The following TATDN2 variants were observed in gnomAD, a reference collection of about 807,000 sequenced individuals.
TATDN2 encodes TatD DNase domain containing 2.
TATDN2 carries 44 observed loss-of-function variants against 60.3 expected under a neutral mutation model. The ratio of observed to expected loss-of-function variants is 0.73; its 90% CI spans 0.57 to 0.94. The LOEUF (loss-of-function observed/expected upper bound fraction) is 0.94. Ranked by LOEUF, TATDN2 falls within the 40% of genes least tolerant of loss-of-function variation. The pLI, the probability that TATDN2 is intolerant of heterozygous loss-of-function variation, is 0.00. For synonymous variants in TATDN2, 399 were observed against 355.8 expected, an observed-to-expected ratio of 1.12 and a Z score of -1.37; for missense variants, 997 against 948.0, an observed-to-expected ratio of 1.05 and a Z score of -0.68.
chr3:10,254,645 T>C (rs1215201809), intron 2 of TATDN2, among the ~76,000 whole-genome samples: 3 of 152,180 alleles, frequency 2.0e-5, no homozygotes, highest in African/African-American at 7.2e-5. Flanking sequence ...AGAGCTCCTC[T>C]GGCACGCTGC....
intron 3 of TATDN2, among the ~76,000 whole-genome samples, chr3:10,268,174 C>T (rs924508737): frequency 6.6e-6 from 1 of 152,160 alleles, no homozygotes; most frequent in Non-Finnish European, 1.5e-5. Context: ...AGAAAAGATT[C>T]TTGTTTGGAT....
In TATDN2 at chr3:10,249,213, C is replaced by A; in HGVS notation, c.13C>A (p.Arg5=). 1 of 1,511,744 alleles carries A rather than the reference C, an allele frequency of 6.6e-7. No homozygotes were observed. Among genetic ancestry groups the A allele is most frequent in the Non-Finnish European group, 8.9e-7 (1 of 1,128,800 alleles). 93.6% of individuals were successfully genotyped at this position (1,511,744 alleles called of 1,614,324 possible). Residue 5 remains arginine (R), a synonymous_variant, in exon 2 of 8, where the codon CGG becomes AGG. Coordinates refer to ENST00000448281, the MANE Select transcript of TATDN2 (RefSeq NM_014760.4). ...CTTGCAGGTGCCCATGGCGTCCGAG[C>A]GGGGCAAGGTCAAGCACAACTGGAG... The part of the protein sequence containing the change: MASE[R]GKVKHNWSST...
intron 4 of TATDN2, 42 bp from the exon 5 acceptor site, chr3:10,276,319 G>A (rs1698636650): frequency 6.2e-7 from 1 of 1,608,290 alleles, no homozygotes; most frequent in Non-Finnish European, 8.5e-7. Context: ...GACTTCTGAA[G>A]TGCTGCTAAC....
At chr3:10,276,294 G>A (rs1264207345) in intron 4 of TATDN2, 67 bp from the exon 5 acceptor site, 8 of 1,579,384 alleles carry the variant, frequency 5.1e-6, no homozygotes, top group South Asian at 2.3e-5. Flanking sequence ...TGGACTGGGC[G>A]TTCCAGAGGT....
At chr3:10,261,775 ATCTTT>A (rs1219109014) in intron 3 of TATDN2, among the ~76,000 whole-genome samples, 1 of 152,138 alleles carries the variant, frequency 6.6e-6, no homozygotes, top group Non-Finnish European at 1.5e-5. Flanking sequence ...TTTCTAAATA[ATCTTT>A]ACTGTTGATC....
At chr3:10,257,992 C>T (rs1290316278) in intron 2 of TATDN2, among the ~76,000 whole-genome samples, 1 of 150,200 alleles carries the variant, frequency 6.7e-6, no homozygotes, top group East Asian at 2.0e-4. Flanking sequence ...TCCCGAGTAG[C>T]TGGGACTACA....
At chr3:10,276,803 G>T (rs1179810030) in intron 5 of TATDN2, among the ~76,000 whole-genome samples, 1 of 152,182 alleles carries the variant, frequency 6.6e-6, no homozygotes, top group Non-Finnish European at 1.5e-5. Flanking sequence ...TGGCCAGGCT[G>T]GTCCCGAACT....
intron 2 of TATDN2, among the ~76,000 whole-genome samples, chr3:10,253,458 A>G (rs983455456): frequency 6.6e-6 from 1 of 152,232 alleles, no homozygotes; most frequent in Non-Finnish European, 1.5e-5. Flanking sequence ...GGCTGACCTC[A>G]CATCGTTCCC....
intron 2 of TATDN2, among the ~76,000 whole-genome samples, chr3:10,251,630 A>C (rs3846105): frequency 0.53 from 80,680 of 151,632 alleles, 23,522 homozygotes; most frequent in East Asian, 0.95. Context: ...AAGTGATCTG[A>C]CCGCCTCAGC....
In TATDN2 at chr3:10,278,777, A is replaced by C; in HGVS notation, c.2146-108A>C. The C allele has an allele frequency of 1.9e-6, 3 of 1,542,220 alleles. No individual in the cohort carries two copies. Among genetic ancestry groups the C allele is most frequent in the African/African-American group, 2.7e-5 (2 of 73,810 alleles). On this transcript the variant is annotated intron_variant, in intron 6 of 7. Coordinates refer to ENST00000448281, the MANE Select transcript of TATDN2 (RefSeq NM_014760.4). This position sits in a 1 kb window ranked among gnomAD's most constrained non-coding sequence, Gnocchi z 4.7. ...CACCTGCAGGTAAAGGGGTCTCTAC[A>C]GGGCAGCCCCAAAGAGGTCCTTGCT...
At chr3:10,261,130 G>A (rs1698395643) in intron 3 of TATDN2, among the ~76,000 whole-genome samples, 2 of 152,214 alleles carry the variant, frequency 1.3e-5, no homozygotes, top group Admixed American at 6.5e-5. Flanking sequence ...GAAGAGGAGA[G>A]TGCATTCCTT....
At chr3:10,258,290 T>C (rs1159417404) in intron 2 of TATDN2, among the ~76,000 whole-genome samples, 1 of 151,804 alleles carries the variant, frequency 6.6e-6, no homozygotes, top group Non-Finnish European at 1.5e-5. Flanking sequence ...GTTTGTTTGT[T>C]TGTTTGAGAC....
intron 4 of TATDN2, among the ~76,000 whole-genome samples, chr3:10,274,571 G>C (rs1698607625): frequency 6.6e-6 from 1 of 152,132 alleles, no homozygotes; most frequent in African/African-American, 2.4e-5. Flanking sequence ...TGTTGGAATT[G>C]GAATCTCTTG....
rs1698639531 is a variant in TATDN2, at chr3:10,276,489, G to A, written c.1961+1G>A. 1.2e-6 allele frequency: 2 copies of A among 1,613,328 alleles called. No homozygotes were observed. Among genetic ancestry groups the A allele is most frequent in the Non-Finnish European group, 1.7e-6 (2 of 1,179,714 alleles). ...TGCCCCCTGACTACAAGATCCATAG[G>A]TTAGAAGACTGGAACTTCAGCGGGC... On this transcript the variant is annotated splice_donor_variant, in intron 5 of 7. Coordinates refer to ENST00000448281, the MANE Select transcript of TATDN2 (RefSeq NM_014760.4). LOFTEE classifies it high-confidence loss of function.
At position 10,270,646 on chromosome 3, in the gene TATDN2, G is replaced by A. The variant is rs750221056; in HGVS notation, c.1464G>A (p.Glu488=). 6.2e-7 allele frequency: 1 copy of A among 1,614,240 alleles called. No individual in the cohort carries two copies. Among genetic ancestry groups the A allele is most frequent in the Non-Finnish European group, 8.5e-7 (1 of 1,180,042 alleles). The change falls in exon 4 of 8, where the codon GAG becomes GAA. Residue 488 remains glutamate, a synonymous_variant. Transcript: ENST00000448281. ...GCTCCCTGCCAAAGAGCCACCTGGA[G>A]CCAAGCCTAGAGGAGGGCTTCATTG... The part of the protein sequence containing the change: ...ASSSLPKSHL[E]PSLEEGFIDT...
chr3:10,269,664 G>T (rs1234893205), intron 3 of TATDN2, among the ~76,000 whole-genome samples: 1 of 152,054 alleles, frequency 6.6e-6, no homozygotes, highest in African/African-American at 2.4e-5. Context: ...TCTCACCACC[G>T]CATTCCAGCC....
chr3:10,248,554 G>C lies in TATDN2; in HGVS notation c.-520G>C, dbSNP rs995141807. On this transcript the variant is annotated 5_prime_UTR_variant, in exon 1 of 8. Coordinates refer to ENST00000448281, the MANE Select transcript of TATDN2 (RefSeq NM_014760.4). ...AGTTCGGGCGGAGGCCGGGCCAGGCGGGGCTGTAGGGCTGGGGCAGGCGGC... is the reference window on the plus strand; with the variant it reads ...AGTTCGGGCGGAGGCCGGGCCAGGCCGGGCTGTAGGGCTGGGGCAGGCGGC... 1 of 152,148 alleles carries C rather than the reference G, an allele frequency of 6.6e-6. No homozygotes were observed. The highest frequency in any genetic ancestry group is 2.4e-5 in the African/African-American group (1 of 41,528). 9.4% of individuals were successfully genotyped at this position (152,148 alleles called of 1,614,324 possible). A position where few individuals can be genotyped will look rare whatever the true frequency, so the allele number is the denominator to read the frequency against.
intron 5 of TATDN2, among the ~76,000 whole-genome samples, chr3:10,277,589 C>G (rs932306893): frequency 3.3e-5 from 5 of 152,138 alleles, no homozygotes; most frequent in African/African-American, 1.2e-4. Flanking sequence ...GCTGTCAGGG[C>G]CTTTGGGTAC....
chr3:10,255,028 C>T (rs1243920761), intron 2 of TATDN2, among the ~76,000 whole-genome samples: 1 of 142,352 alleles, frequency 7.0e-6, no homozygotes, highest in Non-Finnish European at 1.5e-5. Flanking sequence ...CCTCCCCCTC[C>T]CCCTCCCTCC....
Sources: gnomAD v4.1 joint callset for allele counts (sites outside exome capture counted in the v4.1 genomes callset) on GRCh38, gnomAD v4.1.1 for gene constraint, Gnocchi (gnomAD v3.1) non-coding constraint, MANE v1.5 for transcripts, NCBI Gene and HGNC (gene_info 2026-07-23, HGNC 2026-07-21) for gene names.